BICD1: variants seen among roughly 807,000 people sequenced by gnomAD.
The protein encoded by BICD1 is BICD cargo adaptor 1, also known as protein bicaudal D homolog 1.
A neutral mutation model predicts 92.5 loss-of-function variants in BICD1; 35 were observed. That is an observed-to-expected ratio of 0.38 (90% CI 0.29 to 0.50). The LOEUF (loss-of-function observed/expected upper bound fraction) is 0.50, where lower values mean the gene tolerates loss of function less well. Ranked by LOEUF, BICD1 falls within the 20% of genes least tolerant of loss-of-function variation. The pLI is 0.93. For synonymous variants in BICD1, 429 were observed against 465.1 expected (o/e 0.92, Z 1.00); for missense variants, 950 against 1,189.8 (o/e 0.80, Z 2.97).
intron 1 of BICD1, among the ~76,000 whole-genome samples, chr12:32,177,140 C>G (rs536605034): frequency 7.8e-4 from 118 of 151,742 alleles, no homozygotes; most frequent in African/African-American, 2.8e-3. Flanking sequence ...CATGGTGAAA[C>G]CCCATCTCTA....
rs933805539 is a variant in BICD1, at chr12:32,378,738, T to C, written c.*1111T>C. On this transcript the variant is annotated 3_prime_UTR_variant, in exon 10 of 10. Transcript: ENST00000652176. ...TATGTTTTGTTGTTGTTAGTTTTTT[T>C]CATAACGAATCTTCCTTGCCAAAAA... 5.3e-5 allele frequency: 8 copies of C among 152,220 alleles called. No individual in the cohort carries two copies. The highest frequency in any genetic ancestry group is 8.8e-5 in the Non-Finnish European group (6 of 68,044). The allele number at this position is 152,220 out of a possible 1,614,324, so 9.4% of individuals were successfully genotyped here.
rs140770470 is a variant in BICD1 at position 32,199,132 on chromosome 12, A to G, written c.214-17115A>G. Among the ~76,000 whole-genome samples the G allele has an allele frequency of 2.4e-4, 36 of 152,330 alleles. No individual in the cohort carries two copies. In the East Asian group the frequency reaches 6.0e-3, roughly 25 times the overall value. ...GAAAATAAGTTATGAGTGAGAATAC[A>G]ACTTATTAATAGCTTTTGTAAACTT... On this transcript the variant is annotated intron_variant, in intron 1 of 9. Transcript: ENST00000652176.
chr12:32,186,469 A>C (rs1303423711), intron 1 of BICD1, among the ~76,000 whole-genome samples: 2 of 152,174 alleles, frequency 1.3e-5, no homozygotes. Flanking sequence ...AAATCTTTCC[A>C]CTGTCTCAGC....
intron 2 of BICD1, among the ~76,000 whole-genome samples, chr12:32,269,281 TAAAA>T (rs1947077206): frequency 1.3e-5 from 2 of 152,192 alleles, no homozygotes. Flanking sequence ...ATTTTGAACT[TAAAA>T]TAAATGTTTC....
chr12:32,286,539 C>T (rs1471622232), intron 2 of BICD1, among the ~76,000 whole-genome samples: 2 of 152,148 alleles, frequency 1.3e-5, no homozygotes, highest in African/African-American at 4.8e-5. Flanking sequence ...AATTATTCCA[C>T]ACTATGCTGC....
At chr12:32,371,981 T>G (rs181910449) in intron 9 of BICD1, among the ~76,000 whole-genome samples, 19 of 152,314 alleles carry the variant, frequency 1.2e-4, no homozygotes, top group East Asian at 3.9e-4. Context: ...GCCTAGTGAC[T>G]CCTACCTACC....
chr12:32,273,886 G>T (rs893495203), intron 2 of BICD1, among the ~76,000 whole-genome samples: 2 of 152,206 alleles, frequency 1.3e-5, no homozygotes, highest in African/African-American at 4.8e-5. Flanking sequence ...CCACCTCACA[G>T]ACTGAACACC....
chr12:32,241,882 G>A (rs558456784), intron 2 of BICD1, among the ~76,000 whole-genome samples: 2 of 152,024 alleles, frequency 1.3e-5, no homozygotes, highest in Non-Finnish European at 2.9e-5. Flanking sequence ...TAACAGCATA[G>A]CATTTCATGT....
chr12:32,148,412 CCTT>C (rs1943182806), intron 1 of BICD1, among the ~76,000 whole-genome samples: 1 of 152,186 alleles, frequency 6.6e-6, no homozygotes, highest in Non-Finnish European at 1.5e-5. Flanking sequence ...TTCCCACTGT[CCTT>C]CTCTGACCTC....
At chr12:32,193,307 G>A (rs904826105) in intron 1 of BICD1, among the ~76,000 whole-genome samples, 2 of 152,198 alleles carry the variant, frequency 1.3e-5, no homozygotes, top group African/African-American at 4.8e-5. Flanking sequence ...TGAAGACTTA[G>A]ATGATCATTA....
intron 2 of BICD1, among the ~76,000 whole-genome samples, chr12:32,237,126 C>T (rs372234783): frequency 6.6e-6 from 1 of 151,946 alleles, no homozygotes; most frequent in Non-Finnish European, 1.5e-5. Flanking sequence ...GTGATCTGCC[C>T]GCCTCGGCCT....
At chr12:32,250,351 T>C (rs976344262) in intron 2 of BICD1, among the ~76,000 whole-genome samples, 2 of 152,180 alleles carry the variant, frequency 1.3e-5, no homozygotes, top group South Asian at 4.1e-4. Flanking sequence ...TAAAATGCGA[T>C]TAATAGAAAA....
At chr12:32,134,860 C>T (rs1942673057) in intron 1 of BICD1, among the ~76,000 whole-genome samples, 1 of 152,170 alleles carries the variant, frequency 6.6e-6, no homozygotes, top group Non-Finnish European at 1.5e-5. Context: ...TGGCCACAGT[C>T]AGGCTTGGTG....
intron 2 of BICD1, among the ~76,000 whole-genome samples, chr12:32,278,056 C>G (rs1947322237): frequency 6.6e-6 from 1 of 152,092 alleles, no homozygotes; most frequent in Non-Finnish European, 1.5e-5. Context: ...TTGGGTTAGG[C>G]CTCTCTTTGC....
intron 1 of BICD1, among the ~76,000 whole-genome samples, chr12:32,142,405 TAAAAAA>T (rs1162662533): frequency 1.7e-4 from 11 of 63,390 alleles, no homozygotes; most frequent in East Asian, 1.7e-3. Context: ...AGACTCTGTC[TAAAAAA>T]AAAAAAAAAA....
At chr12:32,213,172 C>T (rs1194537511) in intron 1 of BICD1, among the ~76,000 whole-genome samples, 2 of 152,176 alleles carry the variant, frequency 1.3e-5, no homozygotes, top group African/African-American at 4.8e-5. Context: ...GAATCCCATA[C>T]AACACTTACT....
intron 2 of BICD1, among the ~76,000 whole-genome samples, chr12:32,226,434 TATTTTTAA>T (rs951980732): frequency 6.6e-6 from 1 of 152,192 alleles, no homozygotes; most frequent in Non-Finnish European, 1.5e-5. Flanking sequence ...ACACCTGACC[TATTTTTAA>T]ATTTTATATT....
At chr12:32,204,907 TTTC>T (rs1945005156) in intron 1 of BICD1, among the ~76,000 whole-genome samples, 1 of 152,176 alleles carries the variant, frequency 6.6e-6, no homozygotes, top group Non-Finnish European at 1.5e-5. Context: ...GCATCATCCC[TTTC>T]TATTATGCGA....
intron 8 of BICD1, chr12:32,353,799 G>A (rs1938990017): frequency 6.6e-6 from 1 of 152,204 alleles, no homozygotes; most frequent in South Asian, 2.1e-4. Flanking sequence ...TGCTGTTATT[G>A]ACTTTGCTTA....
Sources: gnomAD v4.1 joint callset for allele counts (sites outside exome capture counted in the v4.1 genomes callset) on GRCh38, gnomAD v4.1.1 for gene constraint, MANE v1.5 for transcripts, NCBI Gene and HGNC (gene_info 2026-07-23, HGNC 2026-07-21) for gene names.